Variants in SDAD1 observed in about 807,000 individuals in gnomAD.
SDAD1 encodes SDA1 domain containing 1.
A neutral mutation model predicts 100.3 loss-of-function variants in SDAD1; 79 were observed. The ratio of observed to expected loss-of-function variants is 0.79; its 90% CI spans 0.66 to 0.95. SDAD1 has a LOEUF of 0.95. SDAD1 is among the 40% of genes least tolerant of loss of function. The pLI, the probability that SDAD1 is intolerant of heterozygous loss-of-function variation, is 0.00. For synonymous variants in SDAD1, 267 were observed against 271.4 expected, an observed-to-expected ratio of 0.98 and a Z score of 0.16; for missense variants, 790 against 810.9, an observed-to-expected ratio of 0.97 and a Z score of 0.31.
At position 75,966,136 on chromosome 4, in the gene SDAD1, C is replaced by T. The variant is rs1031616477; in HGVS notation, c.1046-314G>A. Among the ~76,000 whole-genome samples, 3 of 152,160 alleles carry T rather than the reference C, an allele frequency of 2.0e-5. No individual in the cohort carries two copies. In the South Asian group the frequency reaches 6.2e-4, roughly 32 times the overall value. On this transcript the variant is annotated intron_variant, in intron 12 of 21. Coordinates refer to ENST00000356260, the MANE Select transcript of SDAD1 (RefSeq NM_018115.4). ...TTACCTGGACATATTATATATAGCA[C>T]ATCTACATCTGCCTCCAGATGTAAG...
rs906547357 is a variant in SDAD1, at chr4:75,975,675, T to G, written c.578+69A>C. 2.9e-6 allele frequency: 3 copies of G among 1,026,710 alleles called. No homozygotes were observed. The South Asian group carries it at 4.2e-5, about 14-fold the overall frequency. 63.6% of individuals were successfully genotyped at this position (1,026,710 alleles called of 1,614,324 possible). A position where few individuals can be genotyped will look rare whatever the true frequency, so the allele number is the denominator to read the frequency against. On this transcript the variant is annotated intron_variant, in intron 6 of 21. Coordinates refer to ENST00000356260, the MANE Select transcript of SDAD1 (RefSeq NM_018115.4). The stretch of plus-strand genomic sequence containing the variant: ...CTCAAGCTCAAGAAAAGTATTTGTA[T>G]ATGTGCTCTGTATTAATTACAAATG...
At chr4:75,977,066 T>C (rs531819496) in intron 4 of SDAD1, among the ~76,000 whole-genome samples, 68 of 152,328 alleles carry the variant, frequency 4.5e-4, no homozygotes, top group African/African-American at 1.5e-3. Flanking sequence ...GCTGGTATTG[T>C]AGGTGTGAGC....
intron 11 of SDAD1, among the ~76,000 whole-genome samples, chr4:75,968,803 G>A (rs1274174894): frequency 1.3e-5 from 2 of 152,082 alleles, no homozygotes; most frequent in South Asian, 2.1e-4. Flanking sequence ...AGGCCAAGGT[G>A]GTCAGATCAT....
rs560302395 is a variant in SDAD1 at position 75,974,418 on chromosome 4, A to C, written c.579-285T>G. Among the ~76,000 whole-genome samples the C allele has an allele frequency of 6.2e-4, 94 of 151,728 alleles. 1 individual carries two copies. The East Asian group carries it at 7.9e-3, about 13-fold the overall frequency. On this transcript the variant is annotated intron_variant, in intron 6 of 21. Transcript: ENST00000356260. ...AGTCAAGTGCAAAAAAAAAAAAAAA[A>C]AACAACAACTGAGAAGATCGGGGAC...
Position 75,955,970 on chromosome 4 carries a change from C to A in SDAD1, c.2016+5G>T. ...CTTGCCACCCAAGCTTCAAGTGGAA[C>A]TCACCTGTTTTTCTCGGAAGGAACG... On this transcript the variant is annotated splice_donor_5th_base_variant and intron_variant, in intron 21 of 21. Coordinates refer to ENST00000356260, the MANE Select transcript of SDAD1 (RefSeq NM_018115.4). The A allele has an allele frequency of 6.3e-7, 1 of 1,591,124 alleles. No homozygotes were observed. The highest frequency in any genetic ancestry group is 8.5e-7 in the Non-Finnish European group (1 of 1,173,698).
chr4:75,970,180 T>C (rs1729784469), intron 10 of SDAD1, 129 bp downstream of exon 10: 6 of 707,086 alleles, frequency 8.5e-6, no homozygotes, highest in Non-Finnish European at 1.2e-5. Flanking sequence ...AACCAACTAG[T>C]AACAACTAAG....
Position 75,975,926 on chromosome 4 carries a change from C to T in SDAD1, c.475G>A (p.Val159Ile). The change falls in exon 5 of 22, where the codon GTA becomes ATA. Residue 159 changes from valine to isoleucine, a missense_variant and splice_region_variant. Coordinates refer to ENST00000356260, the MANE Select transcript of SDAD1 (RefSeq NM_018115.4). The stretch of plus-strand genomic sequence containing the variant: ...ATGGAAGACAGAAGAGTACTTACTA[C>T]ATTCACTTTATTGTTCTTGTGTTTT... ...NAKHKNNKVN[V>I]VLQNFMYTML... 3 of 1,599,572 alleles carry T rather than the reference C, an allele frequency of 1.9e-6. No homozygotes were observed. The highest frequency in any genetic ancestry group is 1.3e-5 in the African/African-American group (1 of 74,714).
At chr4:75,963,126 C>T (rs1729342198) in intron 14 of SDAD1, among the ~76,000 whole-genome samples, 1 of 152,132 alleles carries the variant, frequency 6.6e-6, no homozygotes, top group South Asian at 2.1e-4. Flanking sequence ...CCAGTTTTCC[C>T]AGCACCATTT....
intron 14 of SDAD1, among the ~76,000 whole-genome samples, chr4:75,961,916 T>C (rs1729256350): frequency 1.3e-5 from 2 of 152,234 alleles, no homozygotes; most frequent in African/African-American, 4.8e-5. Flanking sequence ...ATTATTATTA[T>C]GCTTTAAGTT....
intron 6 of SDAD1, 101 bp downstream of exon 6, chr4:75,975,643 T>G (rs1229195519): frequency 2.7e-6 from 2 of 751,180 alleles, no homozygotes; most frequent in Admixed American, 2.4e-5. Context: ...ATAAGTATAT[T>G]AAAGAGCTCA....
chr4:75,981,961 A>C lies in SDAD1; in HGVS notation c.167T>G (p.Leu56Arg), dbSNP rs767812340. 2.5e-6 allele frequency: 4 copies of C among 1,610,512 alleles called. No homozygotes were observed. The highest frequency in any genetic ancestry group is 2.0e-4 in the Middle Eastern group (1 of 5,006). ...TGCCATAAACATCACCAGCTCTGCTAGTTCTTTGCTGGGTTTATTTGGTTG... is the reference window on the plus strand; with the variant it reads ...TGCCATAAACATCACCAGCTCTGCTCGTTCTTTGCTGGGTTTATTTGGTTG... The part of the protein sequence containing the change: ...KLQPNKPSKE[L>R]AELVMFMAQI... Residue 56 changes from leucine to arginine, a missense_variant, in exon 2 of 22, where the codon CTA becomes CGA. Coordinates refer to ENST00000356260, the MANE Select transcript of SDAD1 (RefSeq NM_018115.4).
chr4:75,959,588 C>A (rs531094146), intron 17 of SDAD1, among the ~76,000 whole-genome samples: 1 of 150,474 alleles, frequency 6.6e-6, no homozygotes, highest in Admixed American at 6.6e-5. Context: ...TGGGCAAGAG[C>A]GAGACTCCAA....
chr4:75,982,194 A>G (rs1275924433), intron 1 of SDAD1, among the ~76,000 whole-genome samples, 157 bp from the exon 2 acceptor site: 1 of 152,238 alleles, frequency 6.6e-6, no homozygotes, highest in Non-Finnish European at 1.5e-5. Flanking sequence ...CCTTATCTGC[A>G]TTCTTCAAAG....
chr4:75,957,105 C>T (rs975594317), intron 20 of SDAD1, among the ~76,000 whole-genome samples: 3 of 152,012 alleles, frequency 2.0e-5, no homozygotes, highest in African/African-American at 4.8e-5. Context: ...GAGAGACTGT[C>T]GCAAAAAACA....
At chr4:75,986,703 AAAAAC>A (rs571159353) in intron 1 of SDAD1, among the ~76,000 whole-genome samples, 19 of 152,130 alleles carry the variant, frequency 1.2e-4, no homozygotes, top group African/African-American at 1.7e-4. Context: ...CTGCCATCTT[AAAAAC>A]AAAACAAAAC....
At chr4:75,965,894 G>A in intron 12 of SDAD1, 72 bp from the exon 13 acceptor site, 1 of 1,249,206 alleles carries the variant, frequency 8.0e-7, no homozygotes, top group Non-Finnish European at 1.2e-6. Flanking sequence ...AGCAAACATG[G>A]CAAGCTCATT....
chr4:75,979,476 A>ATT (rs1475870913), intron 3 of SDAD1, among the ~76,000 whole-genome samples: 10 of 151,058 alleles, frequency 6.6e-5, no homozygotes, highest in African/African-American at 2.2e-4. Context: ...TATTATTATT[A>ATT]TTATTTTTTT....
In SDAD1 at chr4:75,978,227, G is replaced by GC. The variant is rs201972269; in HGVS notation, c.295-472dup. Among the ~76,000 whole-genome samples, 149 of 130,686 alleles carry GC rather than the reference G, an allele frequency of 1.1e-3. 1 individual carries two copies. In the Middle Eastern group the frequency reaches 0.019, roughly 17 times the overall value. The allele number at this position is 130,686 out of a possible 152,430, so 85.7% of individuals were successfully genotyped here. A position where few individuals can be genotyped will look rare whatever the true frequency, so the allele number is the denominator to read the frequency against. ...GCTCAACAGCAGTTGTTGCATGCCT[G>GC]CCCCCCGCCTTTTTTTTTTTTTTTT... On this transcript the variant is annotated intron_variant, in intron 3 of 21. Transcript: ENST00000356260.
At chr4:75,972,897 T>C (rs1256747879) in intron 8 of SDAD1, among the ~76,000 whole-genome samples, 1 of 151,956 alleles carries the variant, frequency 6.6e-6, no homozygotes, top group African/African-American at 2.4e-5. Context: ...GGCGGGTGCC[T>C]GTAGTCCCAG....
Sources: allele counts gnomAD v4.1 joint callset (sites outside exome capture counted in the v4.1 genomes callset), GRCh38; gene constraint gnomAD v4.1.1; transcripts MANE v1.5; gene names NCBI Gene and HGNC (gene_info 2026-07-23, HGNC 2026-07-21).